DENND1A: variants seen among roughly 807,000 people sequenced by gnomAD.
DENND1A encodes DENN domain-containing protein 1A.
DENND1A carries 51 observed loss-of-function variants against 113.7 expected under a neutral mutation model. The ratio of observed to expected loss-of-function variants is 0.45; its 90% CI spans 0.36 to 0.57. The LOEUF is 0.57. DENND1A is among the 20% of genes least tolerant of loss of function. DENND1A has a pLI of 0.00. For synonymous variants in DENND1A, 565 were observed against 570.8 expected (o/e 0.99, Z 0.14); for missense variants, 1,258 against 1,395.9 (o/e 0.90, Z 1.57).
At chr9:123,392,658 T>C (rs914581219) in intron 21 of DENND1A, among the ~76,000 whole-genome samples, 5 of 152,206 alleles carry the variant, frequency 3.3e-5, no homozygotes, top group African/African-American at 1.2e-4. Flanking sequence ...CCTAACTTTC[T>C]TGTTTAATTT....
At chr9:123,652,144 C>A (rs370157589) in intron 8 of DENND1A, 21 bp from the exon 9 acceptor site, 1 of 1,591,798 alleles carries the variant, frequency 6.3e-7, no homozygotes, top group Non-Finnish European at 8.6e-7. Flanking sequence ...GAAGAAGGCA[C>A]GGTTTGTGGC....
At chr9:123,435,156 C>T (rs1048861723) in intron 19 of DENND1A, among the ~76,000 whole-genome samples, 2 of 152,096 alleles carry the variant, frequency 1.3e-5, no homozygotes, top group African/African-American at 4.8e-5. Context: ...GGAGCACCTG[C>T]TGGAGGTGGT....
intron 2 of DENND1A, among the ~76,000 whole-genome samples, chr9:123,864,426 A>G (rs1474852379): frequency 6.6e-6 from 1 of 152,190 alleles, no homozygotes; most frequent in Non-Finnish European, 1.5e-5. Context: ...GCAGTTTCCC[A>G]GGGGTGGCAG....
At chr9:123,920,826 G>C (rs1256222476) in intron 1 of DENND1A, among the ~76,000 whole-genome samples, 1 of 151,712 alleles carries the variant, frequency 6.6e-6, no homozygotes, top group Non-Finnish European at 1.5e-5. Context: ...GCCTGCTTCA[G>C]CCTCCCAAAG....
At chr9:123,818,022 G>A (rs548181029) in intron 2 of DENND1A, among the ~76,000 whole-genome samples, 6 of 150,388 alleles carry the variant, frequency 4.0e-5, no homozygotes, top group East Asian at 3.9e-4. Context: ...GTGAGACTCC[G>A]TTAAAAAAAA....
intron 12 of DENND1A, among the ~76,000 whole-genome samples, chr9:123,561,327 C>T (rs912855951): frequency 7.9e-5 from 12 of 152,292 alleles, no homozygotes; most frequent in African/African-American, 2.6e-4. Flanking sequence ...TGTGTCCCTT[C>T]CTGCCTGCCC....
intron 13 of DENND1A, among the ~76,000 whole-genome samples, chr9:123,482,741 A>C (rs918556429): frequency 2.0e-5 from 3 of 152,224 alleles, no homozygotes; most frequent in Non-Finnish European, 4.4e-5. Context: ...GGTCCCAAGA[A>C]GACACCTGGA....
chr9:123,779,167 A>G (rs903656811), intron 3 of DENND1A, among the ~76,000 whole-genome samples: 1 of 152,172 alleles, frequency 6.6e-6, no homozygotes, highest in Admixed American at 6.5e-5. Context: ...TGTTTGGCTT[A>G]GAATATTTTT....
At chr9:123,716,769 C>CT (rs574898026) in intron 5 of DENND1A, among the ~76,000 whole-genome samples, 1 of 152,252 alleles carries the variant, frequency 6.6e-6, no homozygotes, top group East Asian at 1.9e-4. Flanking sequence ...GAAGTTACTG[C>CT]TTTTTTAACA....
At chr9:123,822,880 G>A (rs1394292194) in intron 2 of DENND1A, among the ~76,000 whole-genome samples, 1 of 152,126 alleles carries the variant, frequency 6.6e-6, no homozygotes, top group Admixed American at 6.5e-5. Flanking sequence ...AACTACTTGT[G>A]GGCCTTTCTT....
At chr9:123,845,306 A>G (rs761164756) in intron 2 of DENND1A, among the ~76,000 whole-genome samples, 1 of 152,174 alleles carries the variant, frequency 6.6e-6, no homozygotes, top group Non-Finnish European at 1.5e-5. Context: ...GGGGCAATTG[A>G]CTATCTACGT....
At chr9:123,868,654 C>A (rs1260421647) in intron 2 of DENND1A, among the ~76,000 whole-genome samples, 1 of 152,112 alleles carries the variant, frequency 6.6e-6, no homozygotes, top group Non-Finnish European at 1.5e-5. Context: ...AGGCCTGAGG[C>A]CTAATACTGT....
intron 2 of DENND1A, among the ~76,000 whole-genome samples, chr9:123,871,257 T>C (rs1383201835): frequency 6.6e-6 from 1 of 152,122 alleles, no homozygotes; most frequent in Non-Finnish European, 1.5e-5. Context: ...TATGTTTTTG[T>C]ATGTTTAGTA....
intron 5 of DENND1A, among the ~76,000 whole-genome samples, chr9:123,735,089 T>C (rs1161433132): frequency 1.3e-5 from 2 of 152,166 alleles, no homozygotes. Context: ...GTTTATATTC[T>C]AAGCTTTTCT....
At chr9:123,645,664 G>C (rs572964312) in intron 9 of DENND1A, among the ~76,000 whole-genome samples, 1 of 152,010 alleles carries the variant, frequency 6.6e-6, no homozygotes, top group African/African-American at 2.4e-5. Flanking sequence ...ATGAAACTTC[G>C]AACCCAGTTA....
chr9:123,700,726 G>A (rs1219398062), intron 5 of DENND1A, among the ~76,000 whole-genome samples: 6 of 152,174 alleles, frequency 3.9e-5, no homozygotes, highest in Admixed American at 6.5e-5. Context: ...TACCTTCACA[G>A]TACCATCTAT....
chr9:123,857,924 T>TAC (rs1448757610), intron 2 of DENND1A, among the ~76,000 whole-genome samples: 5 of 151,826 alleles, frequency 3.3e-5, no homozygotes, highest in African/African-American at 1.2e-4. Context: ...CTGGGCGTGG[T>TAC]GGCGGACGCC....
chr9:123,544,926 G>A (rs1335143230), intron 13 of DENND1A, among the ~76,000 whole-genome samples: 1 of 152,090 alleles, frequency 6.6e-6, no homozygotes, highest in South Asian at 2.1e-4. Flanking sequence ...GTGAAACCCC[G>A]TCTCTACTAA....
chr9:123,471,168 C>T (rs1032760915), intron 13 of DENND1A, among the ~76,000 whole-genome samples: 22 of 152,178 alleles, frequency 1.4e-4, no homozygotes, highest in Admixed American at 1.3e-3. Context: ...AAATGTGTCA[C>T]GATGCACAGT....
Sources: gnomAD v4.1 joint callset for allele counts (sites outside exome capture counted in the v4.1 genomes callset) on GRCh38, gnomAD v4.1.1 for gene constraint, MANE v1.5 for transcripts, NCBI Gene and HGNC (gene_info 2026-07-23, HGNC 2026-07-21) for gene names.